PCDH11X: variants seen among roughly 807,000 people sequenced by gnomAD.
PCDH11X encodes the protein protocadherin 11 X-linked, also known as protocadherin-11 X-linked.
A neutral mutation model predicts 53.3 loss-of-function variants in PCDH11X; 18 were observed. The observed-to-expected ratio is 0.34, with a 90% CI of 0.23 to 0.50. PCDH11X has a LOEUF of 0.50. Ranked by LOEUF, PCDH11X falls within the 20% of genes least tolerant of loss-of-function variation. The pLI, the probability that PCDH11X is intolerant of heterozygous loss-of-function variation, is 0.98. For missense variants in PCDH11X, 570 were observed against 1,032.4 expected (o/e 0.55, Z 6.14); for synonymous variants, 279 against 393.3 (o/e 0.71, Z 3.44).
intron 8 of PCDH11X, among the ~76,000 whole-genome samples, chrX:92,283,160 T>C (rs2068286588): frequency 9.0e-6 from 1 of 111,452 alleles, no homozygotes; most frequent in Non-Finnish European, 1.9e-5. Flanking sequence ...GATTAATCAT[T>C]TTAGCAACAC....
chrX:92,033,386 T>C (rs1422599418), intron 6 of PCDH11X, among the ~76,000 whole-genome samples: 1 of 106,553 alleles, frequency 9.4e-6, no homozygotes, highest in Non-Finnish European at 1.9e-5. Flanking sequence ...TTTTTTTTTT[T>C]CTAGAAACTT....
intron 6 of PCDH11X, among the ~76,000 whole-genome samples, chrX:92,094,201 A>C (rs2064097755): frequency 9.2e-6 from 1 of 108,569 alleles, no homozygotes; most frequent in Non-Finnish European, 1.9e-5. Context: ...CATTAAATTA[A>C]AAAATAGTAA....
At chrX:92,110,366 G>A (rs1184066109) in intron 6 of PCDH11X, among the ~76,000 whole-genome samples, 1 of 107,837 alleles carries the variant, frequency 9.3e-6, no homozygotes, top group African/African-American at 3.4e-5. Flanking sequence ...AATTTCAGTA[G>A]ACACTGTCAA....
intron 5 of PCDH11X, among the ~76,000 whole-genome samples, chrX:91,865,107 T>G (rs1938895496): frequency 9.1e-6 from 1 of 110,482 alleles, no homozygotes; most frequent in South Asian, 3.9e-4. Context: ...ATTGAAGAGT[T>G]AGGTATTTAT....
At chrX:91,950,778 T>C (rs79721786) in intron 6 of PCDH11X, among the ~76,000 whole-genome samples, 21,314 of 109,332 alleles carry the variant, frequency 0.19, 2,170 homozygotes, top group Admixed American at 0.47. Context: ...CTCCATGTGA[T>C]CATTGTCCGC....
chrX:92,550,635 T>A (rs2074936584), intron 10 of PCDH11X, among the ~76,000 whole-genome samples: 1 of 105,711 alleles, frequency 9.5e-6, no homozygotes, highest in South Asian at 4.3e-4. Flanking sequence ...TAAATTATTA[T>A]CGACTATAGT....
chrX:92,600,647 G>A (rs1926127959), intron 10 of PCDH11X, among the ~76,000 whole-genome samples: 1 of 108,483 alleles, frequency 9.2e-6, no homozygotes, highest in Admixed American at 9.9e-5. Flanking sequence ...AATGTGAGGT[G>A]GGAGTCCCCA....
intron 7 of PCDH11X, among the ~76,000 whole-genome samples, chrX:92,257,634 C>A (rs2067623335): frequency 8.9e-6 from 1 of 112,307 alleles, no homozygotes; most frequent in African/African-American, 3.2e-5. Context: ...GGCTACAGAC[C>A]CCATGCAAGT....
chrX:92,462,205 CCAGT>C (rs770295190), intron 9 of PCDH11X, among the ~76,000 whole-genome samples: 1 of 111,749 alleles, frequency 8.9e-6, no homozygotes, highest in Non-Finnish European at 1.9e-5. Flanking sequence ...TGTTGACAAA[CCAGT>C]CAAAGCTTCG....
intron 5 of PCDH11X, among the ~76,000 whole-genome samples, chrX:91,848,775 A>G (rs1446482164): frequency 9.0e-6 from 1 of 111,717 alleles, no homozygotes. Context: ...CCTGTATCCT[A>G]TTATAACAGA....
intron 6 of PCDH11X, among the ~76,000 whole-genome samples, chrX:91,953,378 C>A (rs1378273585): frequency 9.0e-6 from 1 of 110,531 alleles, no homozygotes; most frequent in Non-Finnish European, 1.9e-5. Context: ...TAATCAAAAT[C>A]TAAGCAGAGG....
intron 8 of PCDH11X, among the ~76,000 whole-genome samples, chrX:92,286,556 G>A (rs2068378838): frequency 9.9e-6 from 1 of 101,119 alleles, no homozygotes; most frequent in South Asian, 4.8e-4. Context: ...ATACAATTCA[G>A]GTCTCTTCCT....
At chrX:92,116,000 C>A (rs1191486448) in intron 6 of PCDH11X, among the ~76,000 whole-genome samples, 1 of 110,379 alleles carries the variant, frequency 9.1e-6, no homozygotes, top group Non-Finnish European at 1.9e-5. Flanking sequence ...TGTAACATAG[C>A]TTCAGTGGAA....
At chrX:92,006,620 T>C (rs1262676448) in intron 6 of PCDH11X, among the ~76,000 whole-genome samples, 2 of 110,901 alleles carry the variant, frequency 1.8e-5, no homozygotes, top group Non-Finnish European at 3.8e-5. Context: ...CTAGTTCTTA[T>C]TGAGTTCATT....
At chrX:91,867,507 A>G (rs2524521) in intron 5 of PCDH11X, among the ~76,000 whole-genome samples, 31,225 of 105,048 alleles carry the variant, frequency 0.3, 4,670 homozygotes, top group African/African-American at 0.49. Flanking sequence ...TTCTAAAACA[A>G]AAACAGAAAC....
chrX:92,298,278 C>T lies in PCDH11X; in HGVS notation c.3144+35135C>T, dbSNP rs775704165. ...TGCTCATTCAGTATGATGTTGGCTG[C>T]GGATTTGTCATAGATGACTCATAGT... On this transcript the variant is annotated intron_variant, in intron 8 of 10. Coordinates refer to ENST00000682573, the MANE Select transcript of PCDH11X (RefSeq NM_032968.5). Among the ~76,000 whole-genome samples the T allele has an allele frequency of 1.1e-4, 12 of 111,801 alleles. No homozygotes were observed. In the South Asian group the frequency reaches 3.0e-3, roughly 28 times the overall value.
At chrX:92,606,378 A>T (rs2148812995) in intron 10 of PCDH11X, among the ~76,000 whole-genome samples, 1 of 110,466 alleles carries the variant, frequency 9.1e-6, no homozygotes, top group East Asian at 2.8e-4. Flanking sequence ...TCAAACCAAT[A>T]GCAATCAATG....
chrX:92,148,173 C>CTTCTTTCTTTCTTTCT (rs1260262520), intron 6 of PCDH11X, among the ~76,000 whole-genome samples: 10 of 8,387 alleles, frequency 1.2e-3, no homozygotes, highest in Non-Finnish European at 1.8e-3. Context: ...TCCTTCCTTC[C>CTTCTTTCTTTCTTTCT]TTCTTTCTTT....
At chrX:91,908,791 T>G in intron 6 of PCDH11X, among the ~76,000 whole-genome samples, 1 of 84,571 alleles carries the variant, frequency 1.2e-5, no homozygotes, top group Non-Finnish European at 2.3e-5. Context: ...GGTGACAGAG[T>G]GAGACTCTGT....
Sources: allele counts gnomAD v4.1 joint callset (sites outside exome capture counted in the v4.1 genomes callset), GRCh38; gene constraint gnomAD v4.1.1; transcripts MANE v1.5; gene names NCBI Gene and HGNC (gene_info 2026-07-23, HGNC 2026-07-21).